PDZD8: variants seen among roughly 807,000 people sequenced by gnomAD.
The protein encoded by PDZD8 is PDZ domain-containing protein 8.
In PDZD8, 14 loss-of-function variants were observed where a neutral mutation model predicts 85.8. The observed-to-expected ratio is 0.16, with a 90% CI of 0.11 to 0.26. The LOEUF (loss-of-function observed/expected upper bound fraction) is 0.26, where lower values mean the gene tolerates loss of function less well. Among genes scored for constraint, PDZD8 ranks in the 10% least tolerant of loss-of-function variants. The pLI is 1.00. For missense variants in PDZD8, 1,197 were observed against 1,424.3 expected (o/e 0.84, Z 2.57); for synonymous variants, 592 against 568.6 (o/e 1.04, Z -0.59).
chr10:117,285,469 C>T lies in PDZD8; in HGVS notation c.1264G>A (p.Val422Met). The T allele has an allele frequency of 6.4e-7, 1 of 1,569,462 alleles. No homozygotes were observed. Among genetic ancestry groups the T allele is most frequent in the South Asian group, 1.2e-5 (1 of 85,000 alleles). Residue 422 changes from valine (V) to methionine (M), a missense_variant and splice_region_variant, in exon 5 of 5, where the codon GTG becomes ATG. Transcript: ENST00000334464. ...ACTTGCAGTGTTGATGTGATTTTCA[C>T]ACCTGGTTTAAGATTTTAAAAGGGA... is the stretch of plus-strand genomic sequence containing the variant. ...RGDRLIAIGG[V>M]KITSTLQVLK...
chr10:117,323,725 A>T (rs560243356), intron 2 of PDZD8, among the ~76,000 whole-genome samples: 1 of 152,278 alleles, frequency 6.6e-6, no homozygotes, highest in African/African-American at 2.4e-5. Flanking sequence ...ACCTACCTGG[A>T]TCTACTTATG....
At chr10:117,350,700 G>A (rs1315136241) in intron 1 of PDZD8, among the ~76,000 whole-genome samples, 3 of 151,314 alleles carry the variant, frequency 2.0e-5, no homozygotes, top group Non-Finnish European at 2.9e-5. Context: ...TCAGGAGATC[G>A]AGACCATCCT....
chr10:117,366,041 GA>G (rs538460613), intron 1 of PDZD8, among the ~76,000 whole-genome samples: 2 of 146,516 alleles, frequency 1.4e-5, no homozygotes, highest in Admixed American at 6.8e-5. Context: ...ATCTTAAGAG[GA>G]AAAAAAAAAG....
intron 4 of PDZD8, 25 bp downstream of exon 4, chr10:117,290,161 G>T (rs370958389): frequency 6.3e-7 from 1 of 1,599,068 alleles, no homozygotes; most frequent in Admixed American, 1.7e-5. Flanking sequence ...TAAAGGTAAA[G>T]TATAATGCAT....
intron 2 of PDZD8, among the ~76,000 whole-genome samples, chr10:117,322,765 T>A (rs1487889103): frequency 1.3e-5 from 2 of 152,154 alleles, no homozygotes; most frequent in Non-Finnish European, 2.9e-5. Flanking sequence ...TAAGAGCTAT[T>A]AGAGCAACCC....
intron 1 of PDZD8, among the ~76,000 whole-genome samples, chr10:117,371,657 G>C (rs779007686): frequency 6.6e-6 from 1 of 152,104 alleles, no homozygotes; most frequent in Non-Finnish European, 1.5e-5. Context: ...ACAAAGCGCC[G>C]GGCAAGGTGG....
chr10:117,303,560 T>C (rs1364628051), intron 3 of PDZD8, among the ~76,000 whole-genome samples: 1 of 152,228 alleles, frequency 6.6e-6, no homozygotes, highest in African/African-American at 2.4e-5. Flanking sequence ...AGCCTAATGT[T>C]AAATCCCAAG....
intron 2 of PDZD8, among the ~76,000 whole-genome samples, chr10:117,327,108 C>A (rs1489765613): frequency 6.6e-6 from 1 of 152,152 alleles, no homozygotes; most frequent in Admixed American, 6.5e-5. Context: ...TCTCTCTTGG[C>A]TGGAACAACA....
At chr10:117,341,809 G>C (rs567786432) in intron 1 of PDZD8, among the ~76,000 whole-genome samples, 2 of 152,308 alleles carry the variant, frequency 1.3e-5, no homozygotes, top group Admixed American at 6.5e-5. Context: ...CGAATACAGA[G>C]AGCTGACTAT....
intron 3 of PDZD8, among the ~76,000 whole-genome samples, chr10:117,298,493 C>T (rs1843792635): frequency 2.6e-5 from 4 of 152,032 alleles, no homozygotes; most frequent in Admixed American, 2.6e-4. Context: ...TCACCTTTCC[C>T]CCAAATTATA....
chr10:117,332,486 T>G (rs1019352785), intron 2 of PDZD8, among the ~76,000 whole-genome samples: 5 of 148,016 alleles, frequency 3.4e-5, no homozygotes, highest in Admixed American at 2.8e-4. Context: ...CAAAATAATT[T>G]TTATTCTGTA....
At position 117,285,446 on chromosome 10, in the gene PDZD8, T is replaced by A. The variant is rs1418847572; in HGVS notation, c.1287A>T (p.Gln429His). Reference protein sequence around the residue: ...IGGVKITSTLQVLKLIKQAGD... With the variant: ...IGGVKITSTLHVLKLIKQAGD... ...CAGCCTGCTTGATAAGCTTCAACACTTGCAGTGTTGATGTGATTTTCACAC... is the reference window on the plus strand; with the variant it reads ...CAGCCTGCTTGATAAGCTTCAACACATGCAGTGTTGATGTGATTTTCACAC... Residue 429 changes from glutamine to histidine, a missense_variant, in exon 5 of 5, where the codon CAA becomes CAT. Physicochemically the swap from Gln to His is conservative, Grantham distance 24 (BLOSUM62 0). This residue lies in a region of PDZD8 where 344 missense variants were observed against 453.6 expected (regional missense o/e 0.76). Coordinates refer to ENST00000334464, the MANE Select transcript of PDZD8 (RefSeq NM_173791.5). The A allele has an allele frequency of 2.5e-6, 4 of 1,604,142 alleles. No individual in the cohort carries two copies. The highest frequency in any genetic ancestry group is 2.7e-5 in the African/African-American group (2 of 74,810).
chr10:117,321,219 T>C (rs867473006), intron 2 of PDZD8, among the ~76,000 whole-genome samples: 10 of 152,108 alleles, frequency 6.6e-5, no homozygotes, highest in Non-Finnish European at 1.3e-4. Context: ...TCATACCTAA[T>C]AGCCAAAAAG....
At chr10:117,341,176 G>A (rs986290769) in intron 1 of PDZD8, 74 bp from the exon 2 acceptor site, 1 of 1,492,196 alleles carries the variant, frequency 6.7e-7, no homozygotes, top group Non-Finnish European at 9.2e-7. Context: ...AAACTCACCT[G>A]TACAAAAACA....
At chr10:117,313,267 C>T (rs1225393391) in intron 3 of PDZD8, among the ~76,000 whole-genome samples, 1 of 152,058 alleles carries the variant, frequency 6.6e-6, no homozygotes, top group Non-Finnish European at 1.5e-5. Flanking sequence ...AAATATATAC[C>T]AGATTTCAAA....
At chr10:117,352,636 C>CTT (rs1227489962) in intron 1 of PDZD8, among the ~76,000 whole-genome samples, 2 of 152,256 alleles carry the variant, frequency 1.3e-5, no homozygotes, top group East Asian at 3.9e-4. Flanking sequence ...ATAATCCATG[C>CTT]TTTTTGTTAC....
At position 117,284,879 on chromosome 10, in the gene PDZD8, C is replaced by T. The variant is rs759349593; in HGVS notation, c.1854G>A (p.Lys618=). Residue 618 remains lysine, a synonymous_variant, in exon 5 of 5, where the codon AAG becomes AAA. Transcript: ENST00000334464. Reference sequence around the variant, plus strand: ...GAGGAGGTGGCACCACCTTCTCTGGCTTTTCAACGAGAACATCTGGTTCTG... The same window carrying T: ...GAGGAGGTGGCACCACCTTCTCTGGTTTTTCAACGAGAACATCTGGTTCTG... ...NQAEPDVLVE[K]PEKVVPPPLV... 6.2e-7 allele frequency: 1 copy of T among 1,614,178 alleles called. No homozygotes were observed. The highest frequency in any genetic ancestry group is 8.5e-7 in the Non-Finnish European group (1 of 1,180,028).
chr10:117,292,539 A>T (rs1249222073), intron 3 of PDZD8, among the ~76,000 whole-genome samples: 1 of 151,600 alleles, frequency 6.6e-6, no homozygotes, highest in East Asian at 1.9e-4. Context: ...AAGTCTGAGT[A>T]CTGTAAAGTT....
intron 2 of PDZD8, among the ~76,000 whole-genome samples, chr10:117,330,328 C>T (rs920297684): frequency 1.3e-5 from 2 of 152,182 alleles, no homozygotes; most frequent in African/African-American, 2.4e-5. Flanking sequence ...GCAGAACACT[C>T]CTACAGGGAA....
Sources: allele counts gnomAD v4.1 joint callset (sites outside exome capture counted in the v4.1 genomes callset), GRCh38; gene constraint gnomAD v4.1.1; regional missense constraint gnomAD v4.1.1; transcripts MANE v1.5; gene names NCBI Gene and HGNC (gene_info 2026-07-23, HGNC 2026-07-21).